Variants in LIPC observed in about 807,000 individuals in gnomAD.
LIPC encodes hepatic triacylglycerol lipase.
LIPC carries 44 observed loss-of-function variants against 50.7 expected under a neutral mutation model. The ratio of observed to expected loss-of-function variants is 0.87; its 90% CI spans 0.68 to 1.11. The LOEUF is 1.11. LIPC is among the 50% of genes most tolerant of loss of function. LIPC has a pLI of 0.00. For missense variants in LIPC, 697 were observed against 648.2 expected (o/e 1.08, Z -0.82); for synonymous variants, 271 against 256.4 (o/e 1.06, Z -0.54).
intron 1 of LIPC, among the ~76,000 whole-genome samples, chr15:58,459,017 C>T (rs1419455775): frequency 6.6e-6 from 1 of 152,170 alleles, no homozygotes; most frequent in Non-Finnish European, 1.5e-5. Context: ...GGTCATAGAA[C>T]ATTGAGAAGG....
At chr15:58,432,844 G>GTAATGGT (rs71116563) in intron 1 of LIPC, among the ~76,000 whole-genome samples, 2 of 152,176 alleles carry the variant, frequency 1.3e-5, no homozygotes, top group Non-Finnish European at 2.9e-5. Context: ...ATTTGTTTTG[G>GTAATGGT]TACTGGTTAC....
intron 1 of LIPC, among the ~76,000 whole-genome samples, chr15:58,490,007 G>A (rs2414583): frequency 0.12 from 17,934 of 151,762 alleles, 1,233 homozygotes; most frequent in Non-Finnish European, 0.17. Context: ...GTGGGGAAAA[G>A]AAAAAAACAG....
intron 1 of LIPC, among the ~76,000 whole-genome samples, chr15:58,526,045 G>C (rs1297989180): frequency 6.6e-6 from 1 of 152,136 alleles, no homozygotes; most frequent in African/African-American, 2.4e-5. Context: ...GCCAAGCTTT[G>C]GATCCCAGCC....
intron 1 of LIPC, among the ~76,000 whole-genome samples, chr15:58,469,181 C>G (rs1894692992): frequency 6.6e-6 from 1 of 150,888 alleles, no homozygotes; most frequent in Admixed American, 6.6e-5. Flanking sequence ...GTTGCCCAGG[C>G]TGGAGTGCAG....
intron 1 of LIPC, among the ~76,000 whole-genome samples, chr15:58,515,129 T>G (rs1217169471): frequency 1.3e-5 from 2 of 152,190 alleles, no homozygotes; most frequent in Non-Finnish European, 2.9e-5. Flanking sequence ...CTTGCCTCTT[T>G]CTTATAAGAA....
At chr15:58,452,983 C>T (rs1469581889) in intron 1 of LIPC, among the ~76,000 whole-genome samples, 1 of 152,166 alleles carries the variant, frequency 6.6e-6, no homozygotes, top group African/African-American at 2.4e-5. Context: ...GCCCATTTGT[C>T]ACTAAGGACA....
At chr15:58,490,427 T>C (rs1209115946) in intron 1 of LIPC, among the ~76,000 whole-genome samples, 3 of 152,206 alleles carry the variant, frequency 2.0e-5, no homozygotes, top group African/African-American at 7.2e-5. Flanking sequence ...AATGCCCCTT[T>C]GTAGCTGAGT....
chr15:58,534,916 T>A, intron 1 of LIPC, among the ~76,000 whole-genome samples: 1 of 152,240 alleles, frequency 6.6e-6, no homozygotes. Flanking sequence ...TTCTTCCATG[T>A]CATGCCCACC....
intron 1 of LIPC, among the ~76,000 whole-genome samples, chr15:58,501,618 G>A (rs1414521161): frequency 2.0e-5 from 3 of 152,066 alleles, no homozygotes; most frequent in African/African-American, 7.2e-5. Context: ...TATGACATCT[G>A]ATTGGGCCTA....
intron 8 of LIPC, chr15:58,566,522 G>A (rs541965893): frequency 4.5e-4 from 409 of 902,262 alleles, no homozygotes; most frequent in Non-Finnish European, 5.0e-4. Flanking sequence ...TCCCAGAATC[G>A]GGATGGGAAC....
Position 58,548,403 on chromosome 15 carries a change from C to T in LIPC, c.882C>T (p.Gly294=). Residue 294 remains glycine (G), a synonymous_variant, in exon 6 of 9, where the codon GGC becomes GGT. Coordinates refer to ENST00000299022, the MANE Select transcript of LIPC (RefSeq NM_000236.3). The part of the protein sequence containing the change: ...HLFIDSLLHA[G]TQSMAYPCGD... ...TCATCGACTCCTTGCTGCACGCCGG[C>T]ACGCAGAGCATGGCCTACCCGTGTG... The T allele has an allele frequency of 1.2e-6, 2 of 1,614,172 alleles. No homozygotes were observed.
At chr15:58,447,372 G>T (rs1365078517) in intron 1 of LIPC, among the ~76,000 whole-genome samples, 1 of 152,092 alleles carries the variant, frequency 6.6e-6, no homozygotes, top group Non-Finnish European at 1.5e-5. Flanking sequence ...GACTGAGAGG[G>T]AGAGCTGCCC....
intron 1 of LIPC, among the ~76,000 whole-genome samples, chr15:58,478,581 G>A (rs1192473874): frequency 1.3e-5 from 2 of 152,076 alleles, no homozygotes; most frequent in African/African-American, 4.8e-5. Context: ...ATATAATATA[G>A]GTATTACTAT....
chr15:58,467,618 C>G lies in LIPC; in HGVS notation c.88+35498C>G, dbSNP rs149509530. 2.6e-4 allele frequency among the ~76,000 whole-genome samples: 39 copies of G among 152,206 alleles called. 1 individual carries two copies. The highest frequency in any genetic ancestry group is 8.7e-4 in the African/African-American group (36 of 41,538). ...CCTGGCCTTCCTGCCGACATTTGCTCGGCTACTTTTTCCTCCTAATTAATG... is the reference window on the plus strand; with the variant it reads ...CCTGGCCTTCCTGCCGACATTTGCTGGGCTACTTTTTCCTCCTAATTAATG... On this transcript the variant is annotated intron_variant, in intron 1 of 8. Coordinates refer to ENST00000299022, the MANE Select transcript of LIPC (RefSeq NM_000236.3).
At chr15:58,469,956 AAG>A (rs1816523081) in intron 1 of LIPC, among the ~76,000 whole-genome samples, 1 of 141,904 alleles carries the variant, frequency 7.0e-6, no homozygotes, top group South Asian at 2.2e-4. Flanking sequence ...TTTTTGAGAC[AAG>A]GTCTCCCTTT....
At chr15:58,487,769 C>T (rs2140794888) in intron 1 of LIPC, among the ~76,000 whole-genome samples, 1 of 152,336 alleles carries the variant, frequency 6.6e-6, no homozygotes, top group East Asian at 1.9e-4. Flanking sequence ...AAGCTCATCA[C>T]AGCAGTTATT....
intron 8 of LIPC, chr15:58,566,265 G>A (rs1343194790): frequency 1.0e-6 from 1 of 985,458 alleles, no homozygotes; most frequent in Non-Finnish European, 1.2e-6. Flanking sequence ...ATGCTTTGAG[G>A]AGGCCAAGAG....
intron 7 of LIPC, among the ~76,000 whole-genome samples, chr15:58,563,051 T>C (rs571114891): frequency 8.5e-5 from 13 of 152,250 alleles, no homozygotes; most frequent in Non-Finnish European, 1.6e-4. Flanking sequence ...CTATTACTGT[T>C]ATGCCTCACT....
At chr15:58,536,019 G>A (rs1301086570) in intron 1 of LIPC, among the ~76,000 whole-genome samples, 2 of 152,168 alleles carry the variant, frequency 1.3e-5, no homozygotes, top group African/African-American at 2.4e-5. Flanking sequence ...TGTGCCCAGG[G>A]CTACCCTCCA....
Sources: allele counts gnomAD v4.1 joint callset (sites outside exome capture counted in the v4.1 genomes callset), GRCh38; gene constraint gnomAD v4.1.1; transcripts MANE v1.5; gene names NCBI Gene and HGNC (gene_info 2026-07-23, HGNC 2026-07-21).